Variants in KCNT2 observed in about 807,000 individuals in gnomAD.
KCNT2 encodes the protein potassium channel subfamily T member 2.
KCNT2 carries 67 observed loss-of-function variants against 153.8 expected under a neutral mutation model. The observed-to-expected ratio is 0.44, with a 90% CI of 0.36 to 0.53. The LOEUF (loss-of-function observed/expected upper bound fraction) is 0.53. Ranked by LOEUF, KCNT2 falls within the 20% of genes least tolerant of loss-of-function variation. The pLI, the probability that KCNT2 is intolerant of heterozygous loss-of-function variation, is 0.00. For synonymous variants in KCNT2, 500 were observed against 458.8 expected (o/e 1.09, Z -1.15); for missense variants, 975 against 1,354.8 (o/e 0.72, Z 4.40).
chr1:196,446,588 T>G (rs1675705584), intron 8 of KCNT2, among the ~76,000 whole-genome samples: 1 of 151,464 alleles, frequency 6.6e-6, no homozygotes, highest in African/African-American at 2.4e-5. Context: ...TACCCCCAAC[T>G]TTGTGGAAGT....
chr1:196,422,430 A>G (rs899814538), intron 12 of KCNT2, among the ~76,000 whole-genome samples: 3 of 151,956 alleles, frequency 2.0e-5, no homozygotes, highest in Non-Finnish European at 2.9e-5. Context: ...AAAATAATGA[A>G]GCACTTAAAA....
chr1:196,421,045 G>A (rs367837444), intron 12 of KCNT2, among the ~76,000 whole-genome samples: 3 of 151,954 alleles, frequency 2.0e-5, no homozygotes, highest in African/African-American at 2.4e-5. Context: ...GTTGAGGTTC[G>A]GTTGCAAAAC....
intron 1 of KCNT2, among the ~76,000 whole-genome samples, chr1:196,573,008 T>G (rs1660947482): frequency 6.6e-6 from 1 of 152,096 alleles, no homozygotes; most frequent in African/African-American, 2.4e-5. Flanking sequence ...AGGCAGGCCT[T>G]GTCTCTTCGG....
At chr1:196,444,472 C>T (rs1675516553) in intron 8 of KCNT2, among the ~76,000 whole-genome samples, 1 of 150,990 alleles carries the variant, frequency 6.6e-6, no homozygotes, top group African/African-American at 2.4e-5. Context: ...CATCAGTTTA[C>T]CTTAAAAAAA....
At position 196,331,150 on chromosome 1, in the gene KCNT2, A is replaced by T; in HGVS notation, c.2103+6T>A. 6.7e-7 allele frequency: 1 copy of T among 1,487,478 alleles called. No individual in the cohort carries two copies. 92.1% of individuals were successfully genotyped at this position (1,487,478 alleles called of 1,614,324 possible). On this transcript the variant is annotated splice_donor_region_variant and intron_variant, in intron 18 of 27. Coordinates refer to ENST00000294725, the MANE Select transcript of KCNT2 (RefSeq NM_198503.5). ...TGTAAACAAAAAAGCATCAACAAGT[A>T]CTTACCTTGTCTAATCTTAAGCAGC...
intron 13 of KCNT2, among the ~76,000 whole-genome samples, chr1:196,379,033 G>T (rs1032456206): frequency 2.0e-5 from 3 of 151,072 alleles, no homozygotes; most frequent in Non-Finnish European, 4.4e-5. Flanking sequence ...TTTAGATATG[G>T]CCACATTACT....
intron 13 of KCNT2, among the ~76,000 whole-genome samples, chr1:196,381,259 T>C (rs1669465573): frequency 1.3e-5 from 2 of 152,098 alleles, no homozygotes; most frequent in Admixed American, 1.3e-4. Flanking sequence ...ACAGTTTTAA[T>C]TTCATTAACC....
At chr1:196,585,329 G>A (rs889954323) in intron 1 of KCNT2, among the ~76,000 whole-genome samples, 1 of 152,090 alleles carries the variant, frequency 6.6e-6, no homozygotes, top group African/African-American at 2.4e-5. Context: ...AGAGAGGATG[G>A]GACTTGACTT....
At chr1:196,258,820 T>G (rs1656745136) in intron 25 of KCNT2, 2 of 243,992 alleles carry the variant, frequency 8.2e-6, no homozygotes. Context: ...GTTTGAAACA[T>G]ACAAAACCAG....
chr1:196,452,530 T>C (rs1676309329), intron 8 of KCNT2, among the ~76,000 whole-genome samples: 1 of 151,934 alleles, frequency 6.6e-6, no homozygotes, highest in Admixed American at 6.6e-5. Context: ...TGCACTCAGC[T>C]CCATATCAGC....
intron 8 of KCNT2, among the ~76,000 whole-genome samples, chr1:196,443,900 T>C (rs1409021981): frequency 6.6e-6 from 1 of 151,446 alleles, no homozygotes; most frequent in Admixed American, 6.6e-5. Flanking sequence ...TTAATTTGCA[T>C]GGACACATAT....
intron 13 of KCNT2, among the ~76,000 whole-genome samples, chr1:196,379,536 C>A (rs541204568): frequency 8.3e-4 from 125 of 150,520 alleles, no homozygotes; most frequent in Non-Finnish European, 1.6e-3. Context: ...TGTGTCACTG[C>A]ACTCCAGCCT....
chr1:196,381,985 A>G (rs2148371843), intron 13 of KCNT2, among the ~76,000 whole-genome samples: 1 of 152,324 alleles, frequency 6.6e-6, no homozygotes, highest in South Asian at 2.1e-4. Context: ...AAATGGTAAA[A>G]AGAAAGTAAA....
intron 8 of KCNT2, among the ~76,000 whole-genome samples, chr1:196,448,716 G>A (rs951916294): frequency 2.6e-5 from 4 of 151,690 alleles, no homozygotes; most frequent in African/African-American, 9.7e-5. Flanking sequence ...TTTGACAAAT[G>A]AGTAGATTGA....
intron 12 of KCNT2, among the ~76,000 whole-genome samples, chr1:196,403,060 C>G (rs1337961932): frequency 6.6e-6 from 1 of 151,558 alleles, no homozygotes; most frequent in Non-Finnish European, 1.5e-5. Context: ...CAATTGGGCT[C>G]CTTAGTATTT....
chr1:196,251,867 G>A (rs1188635809), intron 26 of KCNT2, among the ~76,000 whole-genome samples: 2 of 151,624 alleles, frequency 1.3e-5, no homozygotes, highest in Admixed American at 6.6e-5. Context: ...CATGTACCAC[G>A]TAAATATATA....
At chr1:196,570,275 T>C (rs1229243299) in intron 1 of KCNT2, among the ~76,000 whole-genome samples, 1 of 152,128 alleles carries the variant, frequency 6.6e-6, no homozygotes, top group African/African-American at 2.4e-5. Flanking sequence ...GAATTTGATA[T>C]TCTTATTGTT....
chr1:196,380,907 C>A (rs111509899), intron 13 of KCNT2, among the ~76,000 whole-genome samples: 109 of 152,166 alleles, frequency 7.2e-4, no homozygotes, highest in African/African-American at 2.5e-3. Context: ...TGCATGCGTG[C>A]GCGTGCATAT....
chr1:196,532,953 G>A (rs1655134198), intron 1 of KCNT2, among the ~76,000 whole-genome samples: 3 of 151,976 alleles, frequency 2.0e-5, no homozygotes, highest in South Asian at 2.1e-4. Flanking sequence ...CATTCAAAAT[G>A]TACCCCTTCT....
Sources: gnomAD v4.1 joint callset for allele counts (sites outside exome capture counted in the v4.1 genomes callset) on GRCh38, gnomAD v4.1.1 for gene constraint, MANE v1.5 for transcripts, NCBI Gene and HGNC (gene_info 2026-07-23, HGNC 2026-07-21) for gene names.